Variants in CNTN5 observed in about 807,000 individuals in gnomAD.
CNTN5 encodes contactin 5.
In CNTN5, 77 loss-of-function variants were observed where a neutral mutation model predicts 129.1. That is an observed-to-expected ratio of 0.60 (90% confidence interval 0.50 to 0.72). The LOEUF (loss-of-function observed/expected upper bound fraction) is 0.72. CNTN5 is among the 30% of genes least tolerant of loss of function. The pLI is 0.00. For missense variants in CNTN5, 1,478 were observed against 1,328.8 expected (o/e 1.11, Z -1.75); for synonymous variants, 509 against 465.6 (o/e 1.09, Z -1.20).
chr11:99,173,084 C>T (rs1162246552), intron 1 of CNTN5, among the ~76,000 whole-genome samples: 7 of 152,064 alleles, frequency 4.6e-5, no homozygotes, highest in Non-Finnish European at 1.0e-4. Context: ...CTTGTGAGAC[C>T]CACTCACTGT....
intron 2 of CNTN5, among the ~76,000 whole-genome samples, chr11:99,519,942 C>T (rs1046835889): frequency 6.6e-6 from 1 of 152,020 alleles, no homozygotes; most frequent in Non-Finnish European, 1.5e-5. Context: ...AAATAATTTA[C>T]TGTATTTTTC....
intron 1 of CNTN5, among the ~76,000 whole-genome samples, chr11:99,045,816 T>C (rs557706203): frequency 2.3e-4 from 35 of 152,270 alleles, no homozygotes; most frequent in African/African-American, 7.0e-4. Context: ...AAATAACCCA[T>C]TGAAAACCAG....
At chr11:100,338,476 A>G (rs1265138830) in intron 21 of CNTN5, among the ~76,000 whole-genome samples, 1 of 152,200 alleles carries the variant, frequency 6.6e-6, no homozygotes, top group African/African-American at 2.4e-5. Context: ...ATGAAGGAGG[A>G]TGAAATGGGT....
chr11:99,141,756 A>G (rs1940508), intron 1 of CNTN5, among the ~76,000 whole-genome samples: 89,312 of 151,888 alleles, frequency 0.59, 26,539 homozygotes, highest in African/African-American at 0.66. Context: ...TGTTTACCCA[A>G]TAGTCATCCA....
chr11:99,384,575 A>T, intron 2 of CNTN5, among the ~76,000 whole-genome samples: 1 of 152,032 alleles, frequency 6.6e-6, no homozygotes, highest in East Asian at 1.9e-4. Context: ...CAAGAGAAAA[A>T]GTGCATCCAA....
chr11:99,849,889 T>G (rs2135719358), intron 6 of CNTN5, among the ~76,000 whole-genome samples: 1 of 152,266 alleles, frequency 6.6e-6, no homozygotes, highest in Non-Finnish European at 1.5e-5. Flanking sequence ...ATTTCTTTTT[T>G]GACTTAGCCA....
chr11:100,023,782 T>C (rs1941280609), intron 9 of CNTN5, among the ~76,000 whole-genome samples: 1 of 152,184 alleles, frequency 6.6e-6, no homozygotes, highest in African/African-American at 2.4e-5. Flanking sequence ...AGGTTGGCCT[T>C]TTTAAATTTA....
At chr11:100,092,849 T>C (rs1456047128) in intron 13 of CNTN5, among the ~76,000 whole-genome samples, 1 of 150,308 alleles carries the variant, frequency 6.7e-6, no homozygotes, top group Non-Finnish European at 1.5e-5. Context: ...CAACTTCTTT[T>C]CTCTTTGAGT....
intron 3 of CNTN5, among the ~76,000 whole-genome samples, chr11:99,764,269 G>A (rs1944681011): frequency 6.6e-6 from 1 of 151,782 alleles, no homozygotes; most frequent in African/African-American, 2.4e-5. Flanking sequence ...ACACAAATTT[G>A]AAAAGACTGA....
At chr11:100,071,892 T>C (rs1943937190) in intron 12 of CNTN5, 58 bp downstream of exon 12, 18 of 1,400,736 alleles carry the variant, frequency 1.3e-5, no homozygotes, top group Non-Finnish European at 1.7e-5. Flanking sequence ...TTTCATGCTC[T>C]AATTTTTACT....
chr11:99,069,964 G>A (rs561387028), intron 1 of CNTN5, among the ~76,000 whole-genome samples: 1 of 152,216 alleles, frequency 6.6e-6, no homozygotes, highest in East Asian at 1.9e-4. Context: ...TCAGGTGTAG[G>A]GGACAGAGCT....
At chr11:99,593,143 A>C (rs1201797747) in intron 3 of CNTN5, among the ~76,000 whole-genome samples, 1 of 152,154 alleles carries the variant, frequency 6.6e-6, no homozygotes, top group African/African-American at 2.4e-5. Flanking sequence ...GGATTTCCCT[A>C]TTCTGATGGA....
intron 3 of CNTN5, among the ~76,000 whole-genome samples, chr11:99,586,907 G>A (rs1421193442): frequency 2.0e-5 from 3 of 152,204 alleles, no homozygotes; most frequent in Non-Finnish European, 4.4e-5. Context: ...AGATATGTAA[G>A]CTTATCCAGG....
chr11:100,316,717 C>T (rs17094869), intron 21 of CNTN5, among the ~76,000 whole-genome samples: 20,952 of 152,154 alleles, frequency 0.14, 1,572 homozygotes, highest in Middle Eastern at 0.18. Context: ...GGAACAAAGT[C>T]TTCCATGATT....
At position 99,333,957 on chromosome 11, in the gene CNTN5, T is replaced by TTC. The variant is rs1262163854; in HGVS notation, c.-71+8488_-71+8489dup. Among the ~76,000 whole-genome samples the TTC allele has an allele frequency of 7.2e-4, 106 of 147,984 alleles. 1 individual carries two copies. Among genetic ancestry groups the TTC allele is most frequent in the South Asian group, 2.1e-3 (10 of 4,698 alleles). ...TATAGTGATTATCAACTCATCAACT[T>TTC]TCTCTCTCTCTCTCTCACACACACA... On this transcript the variant is annotated intron_variant, in intron 2 of 24. Transcript: ENST00000524871.
chr11:100,136,928 A>T (rs912732676), intron 13 of CNTN5, among the ~76,000 whole-genome samples: 14 of 151,962 alleles, frequency 9.2e-5, no homozygotes, highest in African/African-American at 3.4e-4. Flanking sequence ...ATTACCTGCA[A>T]GGAAAATTAG....
chr11:99,933,423 T>C (rs1591442348), intron 7 of CNTN5, among the ~76,000 whole-genome samples: 2 of 152,178 alleles, frequency 1.3e-5, no homozygotes, highest in African/African-American at 2.4e-5. Context: ...AAAGAAGTCA[T>C]GTAACCACTA....
rs1350480401 is a variant in CNTN5 at position 100,035,935 on chromosome 11, G to A, written c.981-25277G>A. ...TGTAGTTTGCCTGTTCACTCTGATGGTAGTTTCTTTTGCTGTGCAGAAGCT... is the reference window on the plus strand; with the variant it reads ...TGTAGTTTGCCTGTTCACTCTGATGATAGTTTCTTTTGCTGTGCAGAAGCT... On this transcript the variant is annotated intron_variant, in intron 9 of 24. Transcript: ENST00000524871. 2.0e-5 allele frequency among the ~76,000 whole-genome samples: 3 copies of A among 152,198 alleles called. No individual in the cohort carries two copies. In the East Asian group the frequency reaches 5.8e-4, roughly 29 times the overall value.
intron 3 of CNTN5, among the ~76,000 whole-genome samples, chr11:99,598,346 C>G (rs867982339): frequency 2.9e-4 from 8 of 27,480 alleles, no homozygotes; most frequent in Admixed American, 6.5e-4. Flanking sequence ...CTCTCTCTCT[C>G]TCTCTCTCTC....
Sources: allele counts gnomAD v4.1 joint callset (sites outside exome capture counted in the v4.1 genomes callset), GRCh38; gene constraint gnomAD v4.1.1; transcripts MANE v1.5; gene names NCBI Gene and HGNC (gene_info 2026-07-23, HGNC 2026-07-21).